SF3A1: variants seen among roughly 807,000 people sequenced by gnomAD.
The protein encoded by SF3A1 is SAP 114.
SF3A1 carries 13 observed loss-of-function variants against 89.9 expected under a neutral mutation model. The ratio of observed to expected loss-of-function variants is 0.14; its 90% CI spans 0.09 to 0.23. The LOEUF (loss-of-function observed/expected upper bound fraction) is 0.23. Among genes scored for constraint, SF3A1 ranks in the 10% least tolerant of loss-of-function variants. The probability of loss-of-function intolerance (pLI) is 1.00; values close to 1 mark genes in which losing one functional copy is unlikely to be tolerated. For missense variants in SF3A1, 604 were observed against 1,022.1 expected, an observed-to-expected ratio of 0.59 and a Z score of 5.58; for synonymous variants, 405 against 374.4, an observed-to-expected ratio of 1.08 and a Z score of -0.94.
intron 2 of SF3A1, among the ~76,000 whole-genome samples, chr22:30,349,968 A>C (rs1433487279): frequency 6.6e-6 from 1 of 152,150 alleles, no homozygotes; most frequent in Non-Finnish European, 1.5e-5. Flanking sequence ...GGGACCTTGG[A>C]TATCCTCTTA....
chr22:30,349,645 T>C, intron 2 of SF3A1, among the ~76,000 whole-genome samples: 1 of 150,248 alleles, frequency 6.7e-6, no homozygotes, highest in East Asian at 1.9e-4. Context: ...GGGATGTGCA[T>C]GGTTTTGGAT....
chr22:30,353,097 G>C, intron 1 of SF3A1, 25 bp from the exon 2 acceptor site: 1 of 1,612,290 alleles, frequency 6.2e-7, no homozygotes, highest in South Asian at 1.1e-5. Context: ...AAAGAAATAA[G>C]GTTTTAAAGT....
rs144565559 is a variant in SF3A1, at chr22:30,345,519, G to A, written c.394-329C>T. Among the ~76,000 whole-genome samples, 68 of 152,306 alleles carry A rather than the reference G, an allele frequency of 4.5e-4. No homozygotes were observed. In the East Asian group the frequency reaches 0.01, roughly 23 times the overall value. On this transcript the variant is annotated intron_variant, in intron 3 of 15. Coordinates refer to ENST00000215793, the MANE Select transcript of SF3A1 (RefSeq NM_005877.6). ...AGGACTTATTAAATCCCATCCAAGAGGGATGGATGTGCAGAAGGCCTACAT... is the reference window on the plus strand; with the variant it reads ...AGGACTTATTAAATCCCATCCAAGAAGGATGGATGTGCAGAAGGCCTACAT...
Position 30,340,336 on chromosome 22 carries a change from A to G in SF3A1, c.1235T>C (p.Val412Ala). The G allele has an allele frequency of 6.2e-7, 1 of 1,612,072 alleles. No individual in the cohort carries two copies. Among genetic ancestry groups the G allele is most frequent in the Non-Finnish European group, 8.5e-7 (1 of 1,179,546 alleles). ...GATCTTCTCCCCAGTAATGGGGGAC[A>G]CAAGATACTCATCTGGAGCAGGGGC... ...PPAPAPDEYL[V>A]SPITGEKIPA... Residue 412 changes from valine (V) to alanine (A), a missense_variant, in exon 9 of 16, where the codon GTG becomes GCG. Val to Ala is a moderately conservative substitution (Grantham distance 64). This residue lies in a region of SF3A1 where 146 missense variants were observed against 228.5 expected (regional missense o/e 0.64). Transcript: ENST00000215793.
intron 5 of SF3A1, 106 bp from the exon 6 acceptor site, chr22:30,342,456 G>T: frequency 1.6e-6 from 2 of 1,261,962 alleles, no homozygotes; most frequent in Non-Finnish European, 2.2e-6. Context: ...CTTCGGAACA[G>T]AATGGAAGTA....
rs550453556 is a variant in SF3A1, at chr22:30,334,781, T to C, written c.2281-86A>G. 1.5e-4 allele frequency: 143 copies of C among 932,822 alleles called. No individual in the cohort carries two copies. The East Asian group carries it at 2.9e-3, about 19-fold the overall frequency. 57.8% of individuals were successfully genotyped at this position (932,822 alleles called of 1,614,324 possible). A position where few individuals can be genotyped will look rare whatever the true frequency, so the allele number is the denominator to read the frequency against. ...CCTTACAACTGTGCACTTGGTCTGT[T>C]TGCGCTCTGGACTTAGCAAATACAG... On this transcript the variant is annotated intron_variant, in intron 15 of 15. Coordinates refer to ENST00000215793, the MANE Select transcript of SF3A1 (RefSeq NM_005877.6).
intron 13 of SF3A1, among the ~76,000 whole-genome samples, chr22:30,336,058 G>A (rs576174052): frequency 4.6e-5 from 7 of 152,214 alleles, no homozygotes; most frequent in Non-Finnish European, 8.8e-5. Flanking sequence ...AGGGTCGGAA[G>A]ACCTGGATTC....
chr22:30,347,128 C>G (rs567767797), intron 2 of SF3A1, among the ~76,000 whole-genome samples: 1 of 151,948 alleles, frequency 6.6e-6, no homozygotes, highest in Non-Finnish European at 1.5e-5. Context: ...CCTAACTCTA[C>G]AAAAAAATAT....
chr22:30,341,962 TG>T, intron 6 of SF3A1, 77 bp from the exon 7 acceptor site: 2 of 1,415,842 alleles, frequency 1.4e-6, no homozygotes, highest in Non-Finnish European at 1.9e-6. Flanking sequence ...CCCCAAGGGC[TG>T]GGGCCATGTC....
At chr22:30,349,517 G>T (rs928230449) in intron 2 of SF3A1, among the ~76,000 whole-genome samples, 1 of 152,126 alleles carries the variant, frequency 6.6e-6, no homozygotes, top group African/African-American at 2.4e-5. Context: ...CCTGACCTCA[G>T]GTGATCTGCC....
rs1298639347 is a variant in SF3A1 at position 30,356,771 on chromosome 22, C to A, written c.22G>T (p.Ala8Ser). The A allele has an allele frequency of 1.6e-5, 23 of 1,464,838 alleles. No homozygotes were observed. The highest frequency in any genetic ancestry group is 1.8e-4 in the Middle Eastern group (1 of 5,476). 90.7% of individuals were successfully genotyped at this position (1,464,838 alleles called of 1,614,324 possible). A position where few individuals can be genotyped will look rare whatever the true frequency, so the allele number is the denominator to read the frequency against. The change falls in exon 1 of 16, where the codon GCG (alanine) becomes TCG (serine). Residue 8 changes from alanine to serine, a missense_variant. Physicochemically the swap from Ala to Ser is moderately conservative, Grantham distance 99. Around this residue, in one of 9 missense-constraint regions of SF3A1, gnomAD observed 55 missense variants for 43.8 expected, o/e 1.25. Coordinates refer to ENST00000215793, the MANE Select transcript of SF3A1 (RefSeq NM_005877.6). MPAGPVQ[A>S]VPPPPPVPTE... ...GGCACGGGCGGCGGCGGGGGCACCG[C>A]CTGCACGGGTCCGGCCGGCATGACT...
chr22:30,345,425 C>T (rs1170944557), intron 3 of SF3A1, among the ~76,000 whole-genome samples: 1 of 152,174 alleles, frequency 6.6e-6, no homozygotes, highest in African/African-American at 2.4e-5. Context: ...AGAACCATTC[C>T]CCTCTGTATC....
intron 7 of SF3A1, 78 bp from the exon 8 acceptor site, chr22:30,340,890 G>C: frequency 1.2e-6 from 1 of 856,066 alleles, no homozygotes; most frequent in Admixed American, 2.3e-5. Context: ...AGGTCTCTGG[G>C]TGGCAAGGAG....
intron 8 of SF3A1, 126 bp downstream of exon 8, chr22:30,340,569 C>T (rs1422503964): frequency 2.4e-6 from 2 of 847,410 alleles, no homozygotes; most frequent in Non-Finnish European, 3.9e-6. Context: ...CTGTAACAGA[C>T]GGGCTTGCAA....
Position 30,341,800 on chromosome 22 carries a change from C to A in SF3A1, c.963G>T (p.Glu321Asp). 1 of 1,614,164 alleles carries A rather than the reference C, an allele frequency of 6.2e-7. No homozygotes were observed. The highest frequency in any genetic ancestry group is 2.2e-5 in the East Asian group (1 of 44,882). ...CAGACTCGACCTCCATCTCAACTTC[C>A]TCACTCTCCCCAAACTTTTCATAGC... The part of the protein sequence containing the change: ...QERYEKFGES[E>D]EVEMEVESDE... Residue 321 changes from glutamate (E) to aspartate (D), a missense_variant, in exon 7 of 16, where the codon GAG (glutamate) becomes GAT (aspartate). Coordinates refer to ENST00000215793, the MANE Select transcript of SF3A1 (RefSeq NM_005877.6).
intron 5 of SF3A1, 38 bp downstream of exon 5, chr22:30,342,767 C>G (rs773752066): frequency 1.5e-6 from 2 of 1,295,520 alleles, no homozygotes; most frequent in South Asian, 2.4e-5. Context: ...CAGAACCAAC[C>G]ACCAGTAACT....
intron 2 of SF3A1, among the ~76,000 whole-genome samples, chr22:30,347,744 G>A (rs1931462842): frequency 1.3e-5 from 2 of 152,214 alleles, no homozygotes; most frequent in Non-Finnish European, 2.9e-5. Context: ...CTGACCCACA[G>A]CAAGTTACCA....
At chr22:30,345,988 G>A (rs544621862) in intron 3 of SF3A1, among the ~76,000 whole-genome samples, 7 of 152,164 alleles carry the variant, frequency 4.6e-5, no homozygotes, top group Admixed American at 1.3e-4. Context: ...CTCACATCAC[G>A]GCACTGCCCT....
Position 30,342,208 on chromosome 22 carries a change from T to A in SF3A1, c.869A>T (p.Asn290Ile). ...ACTCCTCACAGACCTACCTTGCTCA[T>A]TGGGTTGGAAGTCCACTGTTTCCAC... ...VVVETVDFQP[N>I]EQGNFPPPTT... Residue 290 changes from asparagine to isoleucine, a missense_variant, in exon 6 of 16, where the codon AAT (asparagine) becomes ATT (isoleucine). By Grantham distance (149) the Asn-to-Ile change is moderately radical (BLOSUM62 -3). This residue lies in a region of SF3A1 where 146 missense variants were observed against 228.5 expected (regional missense o/e 0.64). Coordinates refer to ENST00000215793, the MANE Select transcript of SF3A1 (RefSeq NM_005877.6). The A allele has an allele frequency of 1.9e-6, 3 of 1,614,180 alleles. No homozygotes were observed. Among genetic ancestry groups the A allele is most frequent in the Non-Finnish European group, 2.5e-6 (3 of 1,180,012 alleles).
Sources: gnomAD v4.1 joint callset for allele counts (sites outside exome capture counted in the v4.1 genomes callset) on GRCh38, gnomAD v4.1.1 for gene constraint, gnomAD v4.1.1 regional missense constraint, MANE v1.5 for transcripts, NCBI Gene and HGNC (gene_info 2026-07-23, HGNC 2026-07-21) for gene names.